The following EYS variants were observed in gnomAD, a reference collection of about 807,000 sequenced individuals.
EYS encodes the protein EGF-like photoreceptor maintenance factor, also known as protein eyes shut homolog.
Under a neutral mutation model 282.1 loss-of-function variants are expected in EYS, and 250 were observed. The ratio of observed to expected loss-of-function variants is 0.89; its 90% CI spans 0.80 to 0.98. EYS has a LOEUF of 0.98. Ranked by LOEUF, EYS falls within the 50% of genes least tolerant of loss-of-function variation. The pLI, the probability that EYS is intolerant of heterozygous loss-of-function variation, is 0.00. For synonymous variants in EYS, 1,355 were observed against 1,282.9 expected (o/e 1.06, Z -1.20); for missense variants, 4,016 against 3,709.0 (o/e 1.08, Z -2.15).
At chr6:63,877,715 C>T (rs1346856234) in intron 35 of EYS, among the ~76,000 whole-genome samples, 1 of 152,054 alleles carries the variant, frequency 6.6e-6, no homozygotes, top group Admixed American at 6.6e-5. Flanking sequence ...TCATTTCATT[C>T]ATTTGATCTT....
At chr6:63,931,410 A>AT (rs1192775938) in intron 35 of EYS, among the ~76,000 whole-genome samples, 1 of 152,060 alleles carries the variant, frequency 6.6e-6, no homozygotes, top group Non-Finnish European at 1.5e-5. Context: ...TGACTCTTCT[A>AT]TTTTGAATAA....
chr6:65,381,745 G>C (rs937224539), intron 8 of EYS, among the ~76,000 whole-genome samples: 1 of 151,444 alleles, frequency 6.6e-6, no homozygotes, highest in African/African-American at 2.4e-5. Flanking sequence ...AATTTTATTT[G>C]TTCTTTCCCT....
chr6:64,404,309 T>A (rs1448413586), intron 28 of EYS, among the ~76,000 whole-genome samples: 1 of 152,180 alleles, frequency 6.6e-6, no homozygotes, highest in African/African-American at 2.4e-5. Flanking sequence ...TTCATCTGAA[T>A]TTAATTTCAG....
chr6:65,572,677 T>C (rs1449915309), intron 2 of EYS, among the ~76,000 whole-genome samples: 1 of 152,116 alleles, frequency 6.6e-6, no homozygotes, highest in Non-Finnish European at 1.5e-5. Context: ...CAGTACCATC[T>C]CGGGCTGTGT....
intron 12 of EYS, among the ~76,000 whole-genome samples, chr6:65,243,193 T>A (rs1767097529): frequency 6.6e-6 from 1 of 152,244 alleles, no homozygotes; most frequent in African/African-American, 2.4e-5. Flanking sequence ...ATATCATTTG[T>A]ACTTTTGATT....
intron 14 of EYS, among the ~76,000 whole-genome samples, chr6:64,955,198 C>G (rs1220198861): frequency 1.5e-5 from 2 of 136,240 alleles, no homozygotes; most frequent in Non-Finnish European, 3.2e-5. Context: ...AAACAAACAA[C>G]CAACAAAAAA....
intron 14 of EYS, among the ~76,000 whole-genome samples, chr6:64,957,763 C>T (rs535918235): frequency 1.3e-5 from 2 of 151,890 alleles, no homozygotes; most frequent in Admixed American, 6.6e-5. Context: ...AAAATAAATG[C>T]AACCTCCTTC....
At chr6:65,120,967 T>C (rs1775530767) in intron 12 of EYS, among the ~76,000 whole-genome samples, 4 of 152,218 alleles carry the variant, frequency 2.6e-5, no homozygotes, top group African/African-American at 9.6e-5. Flanking sequence ...TCTTCCGTTC[T>C]GCTGCACCAT....
At chr6:65,416,036 G>A (rs546976429) in intron 5 of EYS, among the ~76,000 whole-genome samples, 2 of 152,016 alleles carry the variant, frequency 1.3e-5, no homozygotes, top group South Asian at 2.1e-4. Context: ...TGAAAAAGTG[G>A]TAGTAATGAC....
intron 26 of EYS, among the ~76,000 whole-genome samples, chr6:64,494,300 T>C (rs1253294831): frequency 6.6e-6 from 1 of 151,670 alleles, no homozygotes; most frequent in East Asian, 1.9e-4. Context: ...TTATTAAAAT[T>C]TAATGAGTTC....
In EYS at chr6:65,494,665, G is replaced by C. The variant is rs1365908471; in HGVS notation, c.746C>G (p.Thr249Arg). 8.3e-6 allele frequency: 13 copies of C among 1,557,052 alleles called. 1 individual carries two copies. The South Asian group carries it at 1.5e-4, about 18-fold the overall frequency. ...TTATATATTTTAAACAATCTTACCTGTAAATGGTGGGTGACAGACACATTC... is the reference window on the plus strand; with the variant it reads ...TTATATATTTTAAACAATCTTACCTCTAAATGGTGGGTGACAGACACATTC... ...AYECVCHPPF[T>R]GKNCSEIIGQ... The change falls in exon 4 of 43, where the codon ACA (threonine) becomes AGA (arginine). Residue 249 changes from threonine to arginine, a missense_variant and splice_region_variant. By Grantham distance (71) the Thr-to-Arg change is moderately conservative. Transcript: ENST00000503581.
At chr6:64,956,102 G>A (rs542422008) in intron 14 of EYS, among the ~76,000 whole-genome samples, 9 of 152,158 alleles carry the variant, frequency 5.9e-5, no homozygotes, top group African/African-American at 2.2e-4. Context: ...ATTCCAAAAT[G>A]TATATGAAAC....
chr6:64,589,015 A>G (rs1419560207), intron 26 of EYS, among the ~76,000 whole-genome samples: 1 of 152,034 alleles, frequency 6.6e-6, no homozygotes, highest in Non-Finnish European at 1.5e-5. Context: ...ATTATTTCCA[A>G]GAGGTGGCTA....
intron 14 of EYS, among the ~76,000 whole-genome samples, chr6:64,955,058 T>C (rs919459716): frequency 6.6e-6 from 1 of 152,046 alleles, no homozygotes; most frequent in Non-Finnish European, 1.5e-5. Context: ...CAGGCACCTG[T>C]AGTCCCAGCT....
intron 28 of EYS, among the ~76,000 whole-genome samples, chr6:64,392,485 G>A (rs369147889): frequency 1.9e-4 from 29 of 150,944 alleles, no homozygotes; most frequent in East Asian, 5.9e-4. Context: ...ACTCAAAACC[G>A]CTCAACTACA....
chr6:63,723,952 C>T (rs1316161597), intron 42 of EYS, among the ~76,000 whole-genome samples: 1 of 151,908 alleles, frequency 6.6e-6, no homozygotes, highest in African/African-American at 2.4e-5. Flanking sequence ...GGACTACAGG[C>T]ACTGGCCATC....
chr6:65,591,354 G>A (rs1459746726), intron 2 of EYS, among the ~76,000 whole-genome samples: 2 of 151,802 alleles, frequency 1.3e-5, no homozygotes, highest in Non-Finnish European at 2.9e-5. Flanking sequence ...CTTAATCTGT[G>A]TGTGTGTGTG....
intron 29 of EYS, among the ~76,000 whole-genome samples, chr6:64,382,028 C>T (rs142998100): frequency 1.8e-3 from 273 of 152,098 alleles, no homozygotes; most frequent in African/African-American, 6.3e-3. Flanking sequence ...TTTGTTTTTT[C>T]ATTTTTGGTT....
chr6:64,006,490 G>A (rs980001121), intron 33 of EYS, among the ~76,000 whole-genome samples: 1 of 152,048 alleles, frequency 6.6e-6, no homozygotes, highest in African/African-American at 2.4e-5. Context: ...TCTTACTCTT[G>A]CCTGATTGCT....
Sources: allele counts gnomAD v4.1 joint callset (sites outside exome capture counted in the v4.1 genomes callset), GRCh38; gene constraint gnomAD v4.1.1; transcripts MANE v1.5; gene names NCBI Gene and HGNC (gene_info 2026-07-23, HGNC 2026-07-21).